The following ZSWIM9 variants were observed in gnomAD, a reference collection of about 807,000 sequenced individuals.
The protein encoded by ZSWIM9 is zinc finger SWIM-type containing 9.
Under a neutral mutation model 25.0 loss-of-function variants are expected in ZSWIM9, and 11 were observed. The observed-to-expected ratio is 0.44, with a 90% CI of 0.28 to 0.73. The LOEUF (loss-of-function observed/expected upper bound fraction) is 0.73, where lower values mean the gene tolerates loss of function less well. ZSWIM9 is among the 30% of genes least tolerant of loss of function. The pLI is 0.16. For missense variants in ZSWIM9, 1,070 were observed against 1,296.5 expected, an observed-to-expected ratio of 0.83 and a Z score of 2.68; for synonymous variants, 562 against 582.1, an observed-to-expected ratio of 0.97 and a Z score of 0.50.
chr19:48,177,115 G>A (rs1453790384), intron 2 of ZSWIM9, among the ~76,000 whole-genome samples: 1 of 152,024 alleles, frequency 6.6e-6, no homozygotes, highest in Non-Finnish European at 1.5e-5. Flanking sequence ...TACATGTGAT[G>A]GACCATGCCC....
rs1024091237 is a variant in ZSWIM9 at position 48,195,370 on chromosome 19, G to A, written c.1306G>A (p.Ala436Thr). 1.3e-6 allele frequency: 2 copies of A among 1,509,090 alleles called. No individual in the cohort carries two copies. Among genetic ancestry groups the A allele is most frequent in the Non-Finnish European group, 1.8e-6 (2 of 1,136,378 alleles). The allele number at this position is 1,509,090 out of a possible 1,614,324, so 93.5% of individuals were successfully genotyped here. A position where few individuals can be genotyped will look rare whatever the true frequency, so the allele number is the denominator to read the frequency against. ...TCGCGACCTGGTGGCCATGCAGTGG[G>A]CCGACGCGGCCGGGGAGGCGGTGCC... ...CLRDLVAMQW[A>T]DAAGEAVPEG... Residue 436 changes from alanine to threonine, a missense_variant, in exon 4 of 4, where the codon GCC becomes ACC. Transcript: ENST00000614654. This position sits in a 1 kb window ranked among gnomAD's most constrained non-coding sequence, Gnocchi z 5.8.
Position 48,195,760 on chromosome 19 carries a change from G to A in ZSWIM9, c.1696G>A (p.Gly566Ser). 1 of 1,490,212 alleles carries A rather than the reference G, an allele frequency of 6.7e-7. No individual in the cohort carries two copies. The highest frequency in any genetic ancestry group is 2.6e-5 in the East Asian group (1 of 38,744). 92.3% of individuals were successfully genotyped at this position (1,490,212 alleles called of 1,614,324 possible). Residue 566 changes from glycine (G) to serine (S), a missense_variant, in exon 4 of 4, where the codon GGT (glycine) becomes AGT (serine). Physicochemically the swap from Gly to Ser is moderately conservative, Grantham distance 56. This residue lies in a region of ZSWIM9 where 583 missense variants were observed against 624.7 expected (regional missense o/e 0.93). Coordinates refer to ENST00000614654, the MANE Select transcript of ZSWIM9 (RefSeq NM_199341.4). The surrounding 1 kb of genome is among the most constrained non-coding windows in gnomAD (Gnocchi z 5.8). ...AGACTGGAGGGGGCCCCAGTTGGAGGGTGAGAAAGATTGGGGACTGGAAGG... is the reference window on the plus strand; with the variant it reads ...AGACTGGAGGGGGCCCCAGTTGGAGAGTGAGAAAGATTGGGGACTGGAAGG... ...IRDWRGPQLE[G>S]EKDWGLEGYV...
intron 3 of ZSWIM9, chr19:48,190,630 C>G (rs116719435): frequency 1.6e-3 from 251 of 154,932 alleles, no homozygotes; most frequent in African/African-American, 5.7e-3. Context: ...TGCAACGCTA[C>G]TAAGTGCCCG....
chr19:48,186,712 C>T (rs1447577129), intron 3 of ZSWIM9: 2 of 154,888 alleles, frequency 1.3e-5, no homozygotes, highest in African/African-American at 4.8e-5. Context: ...CCTCTGGCCT[C>T]CTGGCGGGGG....
chr19:48,184,161 A>G (rs2036985631), intron 3 of ZSWIM9, among the ~76,000 whole-genome samples: 1 of 151,872 alleles, frequency 6.6e-6, no homozygotes, highest in South Asian at 2.1e-4. Flanking sequence ...GGACAGTTCT[A>G]AGGGTGCTGT....
chr19:48,188,283 C>T (rs954523258), intron 3 of ZSWIM9, among the ~76,000 whole-genome samples: 9 of 151,160 alleles, frequency 6.0e-5, no homozygotes, highest in Admixed American at 3.3e-4. Context: ...AGTGCAGTGG[C>T]GCAATCTTGG....
rs1470960831 is a variant in ZSWIM9, at chr19:48,187,436, ATATATAT to A, written c.588+4686_588+4692del. Among the ~76,000 whole-genome samples the A allele has an allele frequency of 2.6e-3, 252 of 96,860 alleles. 3 individuals are homozygous for A. The highest frequency in any genetic ancestry group is 8.7e-3 in the African/African-American group (223 of 25,716). The allele number at this position is 96,860 out of a possible 152,430, so 63.5% of individuals were successfully genotyped here. A position where few individuals can be genotyped will look rare whatever the true frequency, so the allele number is the denominator to read the frequency against. ...TTATAATTATATATTATATTATATT[ATATATAT>A]TATATATTATATATTAATTATATAT... On this transcript the variant is annotated intron_variant, in intron 3 of 3. Coordinates refer to ENST00000614654, the MANE Select transcript of ZSWIM9 (RefSeq NM_199341.4).
At chr19:48,176,478 A>G (rs952285309) in intron 2 of ZSWIM9, among the ~76,000 whole-genome samples, 2 of 152,080 alleles carry the variant, frequency 1.3e-5, no homozygotes, top group Non-Finnish European at 2.9e-5. Context: ...CTAAGAGGGA[A>G]AACCAGGGTC....
intron 3 of ZSWIM9, chr19:48,190,739 C>T (rs762037690): frequency 2.6e-5 from 4 of 152,462 alleles, no homozygotes; most frequent in Non-Finnish European, 5.9e-5. Flanking sequence ...ATATGGGGCT[C>T]GTGTTTCCCC....
In ZSWIM9 at chr19:48,182,916, G is replaced by A; in HGVS notation, c.588+149G>A. The A allele has an allele frequency of 3.0e-6, 2 of 671,376 alleles. No individual in the cohort carries two copies. The highest frequency in any genetic ancestry group is 2.8e-5 in the East Asian group (1 of 36,234). The allele number at this position is 671,376 out of a possible 1,614,324, so 41.6% of individuals were successfully genotyped here. The stretch of plus-strand genomic sequence containing the variant: ...CATTCATTCAATAAGTACTTACCGA[G>A]GCATTGGGGATGCAGCAGCAAACCA... On this transcript the variant is annotated intron_variant, in intron 3 of 3. Coordinates refer to ENST00000614654, the MANE Select transcript of ZSWIM9 (RefSeq NM_199341.4). This position sits in a 1 kb window ranked among gnomAD's most constrained non-coding sequence, Gnocchi z 4.6.
At chr19:48,183,824 T>C (rs1344689214) in intron 3 of ZSWIM9, among the ~76,000 whole-genome samples, 1 of 146,266 alleles carries the variant, frequency 6.8e-6, no homozygotes, top group Non-Finnish European at 1.5e-5. Flanking sequence ...TTTGTAGAGA[T>C]GTTTGGCGGG....
Position 48,181,895 on chromosome 19 carries a change from T to C in ZSWIM9, c.276-560T>C, listed in dbSNP as rs556742039. 1.3e-4 allele frequency: 20 copies of C among 152,664 alleles called. 1 individual carries two copies. The highest frequency in any genetic ancestry group is 3.9e-4 in the African/African-American group (16 of 41,558). The allele number at this position is 152,664 out of a possible 1,614,324, so 9.5% of individuals were successfully genotyped here. ...ACAGAAACATACCTCCCATTGTTTA[T>C]GGGTGCATAAAAATATACATGGAAT... On this transcript the variant is annotated intron_variant, in intron 2 of 3. Coordinates refer to ENST00000614654, the MANE Select transcript of ZSWIM9 (RefSeq NM_199341.4).
chr19:48,171,395 G>C (rs1299006834), intron 1 of ZSWIM9: 1 of 985,134 alleles, frequency 1.0e-6, no homozygotes, highest in African/African-American at 1.7e-5. Context: ...GTTACTCTTG[G>C]GTGAGAGACA....
At chr19:48,173,477 G>A (rs1236760536) in intron 2 of ZSWIM9, among the ~76,000 whole-genome samples, 1 of 151,482 alleles carries the variant, frequency 6.6e-6, no homozygotes, top group Non-Finnish European at 1.5e-5. Flanking sequence ...TTTTGTATTT[G>A]TAGTAGAGAT....
At position 48,197,113 on chromosome 19, in the gene ZSWIM9, C is replaced by G. The variant is rs1268946404; in HGVS notation, c.*286C>G. On this transcript the variant is annotated 3_prime_UTR_variant, in exon 4 of 4. Transcript: ENST00000614654. ...ATGTGATGAGAGGTGTAGACAGGGT[C>G]AGGCTGGGACAGAAGGAAGGAAAGG... 3 of 637,940 alleles carry G rather than the reference C, an allele frequency of 4.7e-6. No homozygotes were observed. Among genetic ancestry groups the G allele is most frequent in the Non-Finnish European group, 8.4e-6 (3 of 356,618 alleles). The allele number at this position is 637,940 out of a possible 1,614,324, so 39.5% of individuals were successfully genotyped here.
chr19:48,181,210 C>T (rs1453835773), intron 2 of ZSWIM9: 1 of 152,138 alleles, frequency 6.6e-6, no homozygotes, highest in Non-Finnish European at 1.5e-5. Flanking sequence ...TAACCAGCAC[C>T]CAGAACAAGA....
chr19:48,189,734 A>G (rs907710071), intron 3 of ZSWIM9, among the ~76,000 whole-genome samples: 1 of 152,354 alleles, frequency 6.6e-6, no homozygotes, highest in East Asian at 1.9e-4. Context: ...TTGTACTCAT[A>G]TAAAGAAACT....
chr19:48,172,892 G>A (rs1266268067), intron 2 of ZSWIM9, among the ~76,000 whole-genome samples: 1 of 152,156 alleles, frequency 6.6e-6, no homozygotes, highest in African/African-American at 2.4e-5. Flanking sequence ...AATAGTCACG[G>A]AAAATTCCAG....
intron 1 of ZSWIM9, chr19:48,171,324 G>T: frequency 1.0e-6 from 1 of 985,358 alleles, no homozygotes; most frequent in Non-Finnish European, 1.2e-6. Context: ...GTCTTTGGAG[G>T]GGTTACAGCC....
Sources: allele counts gnomAD v4.1 joint callset (sites outside exome capture counted in the v4.1 genomes callset), GRCh38; gene constraint gnomAD v4.1.1; regional missense constraint gnomAD v4.1.1; non-coding constraint Gnocchi (gnomAD v3.1); transcripts MANE v1.5; gene names NCBI Gene and HGNC (gene_info 2026-07-23, HGNC 2026-07-21).